The following DNAH11 variants were observed in gnomAD, a reference collection of about 807,000 sequenced individuals.
DNAH11 encodes dynein axonemal heavy chain 11.
A neutral mutation model predicts 526.0 loss-of-function variants in DNAH11; 442 were observed. The observed-to-expected ratio is 0.84, with a 90% CI of 0.78 to 0.91. The LOEUF (loss-of-function observed/expected upper bound fraction) is 0.91, where lower values mean the gene tolerates loss of function less well. Ranked by LOEUF, DNAH11 falls within the 40% of genes least tolerant of loss-of-function variation. The pLI is 0.00. For synonymous variants in DNAH11, 2,461 were observed against 1,935.9 expected (o/e 1.27, Z -7.12); for missense variants, 6,989 against 5,448.7 (o/e 1.28, Z -8.90).
chr7:21,779,992 G>A (rs755180675), intron 57 of DNAH11, among the ~76,000 whole-genome samples: 24 of 150,900 alleles, frequency 1.6e-4, no homozygotes, highest in Non-Finnish European at 3.4e-4. Flanking sequence ...TTTTCCAGTG[G>A]TGTTGCCATT....
intron 27 of DNAH11, 78 bp from the exon 28 acceptor site, chr7:21,638,861 G>T (rs1786989636): frequency 3.3e-6 from 5 of 1,507,718 alleles, no homozygotes; most frequent in Non-Finnish European, 3.6e-6. Context: ...TGGACATAGA[G>T]GACTTGAGTT....
rs869117425 is a variant in DNAH11 at position 21,574,867 on chromosome 7, C to CTTTTT, written c.1593+2917_1593+2921dup. On this transcript the variant is annotated intron_variant, in intron 8 of 81. Coordinates refer to ENST00000409508, the MANE Select transcript of DNAH11 (RefSeq NM_001277115.2). Reference sequence around the variant, plus strand: ...TACAGGCGTGAGCCACTGCACTGGGCTTTTTTTTTTTTTTTTTTTTTTTTT... The same window carrying CTTTTT: ...TACAGGCGTGAGCCACTGCACTGGGCTTTTTTTTTTTTTTTTTTTTTTTTTTTTTT... Among the ~76,000 whole-genome samples, 120 of 42,862 alleles carry CTTTTT rather than the reference C, an allele frequency of 2.8e-3. 23 individuals are homozygous for CTTTTT. The highest frequency in any genetic ancestry group is 0.02 in the East Asian group (13 of 652). The allele number at this position is 42,862 out of a possible 152,430, so 28.1% of individuals were successfully genotyped here. A position where few individuals can be genotyped will look rare whatever the true frequency, so the allele number is the denominator to read the frequency against.
intron 65 of DNAH11, among the ~76,000 whole-genome samples, chr7:21,841,836 T>C (rs1782215831): frequency 6.6e-6 from 1 of 152,188 alleles, no homozygotes; most frequent in Non-Finnish European, 1.5e-5. Context: ...ACAAAAGCCC[T>C]TCTCAAGCCT....
At chr7:21,654,396 A>G (rs1211586011) in intron 28 of DNAH11, among the ~76,000 whole-genome samples, 3 of 152,200 alleles carry the variant, frequency 2.0e-5, no homozygotes, top group African/African-American at 7.2e-5. Flanking sequence ...AGATTCATCC[A>G]AGTTGTAGCA....
At chr7:21,597,462 G>A (rs1784900712) in intron 14 of DNAH11, among the ~76,000 whole-genome samples, 1 of 152,186 alleles carries the variant, frequency 6.6e-6, no homozygotes, top group African/African-American at 2.4e-5. Flanking sequence ...GGTCATTTAT[G>A]AAGAAAAGAG....
At chr7:21,900,542 G>A (rs1303537132) in intron 81 of DNAH11, among the ~76,000 whole-genome samples, 2 of 142,088 alleles carry the variant, frequency 1.4e-5, no homozygotes, top group African/African-American at 2.5e-5. Context: ...CTAAGAGGGG[G>A]TTAGACTATG....
At chr7:21,670,593 A>C (rs955800942) in intron 30 of DNAH11, among the ~76,000 whole-genome samples, 1 of 152,162 alleles carries the variant, frequency 6.6e-6, no homozygotes, top group Non-Finnish European at 1.5e-5. Context: ...GTAGTGAGAC[A>C]TCCTTGTCCA....
chr7:21,778,843 A>G, intron 56 of DNAH11, 115 bp from the exon 57 acceptor site: 1 of 1,288,740 alleles, frequency 7.8e-7, no homozygotes, highest in South Asian at 1.6e-5. Context: ...CAGGGTAGAG[A>G]CAGATGCAAG....
At chr7:21,734,113 G>T (rs1433972872) in intron 45 of DNAH11, among the ~76,000 whole-genome samples, 1 of 152,188 alleles carries the variant, frequency 6.6e-6, no homozygotes, top group Non-Finnish European at 1.5e-5. Flanking sequence ...AGAGAGGTCA[G>T]GCTCTGTCAG....
intron 20 of DNAH11, among the ~76,000 whole-genome samples, chr7:21,610,899 T>C (rs891871667): frequency 6.6e-6 from 1 of 152,258 alleles, no homozygotes; most frequent in Admixed American, 6.5e-5. Context: ...GTTCTATTCA[T>C]ACTTCCTGGA....
At chr7:21,591,950 A>C (rs1354182999) in intron 14 of DNAH11, among the ~76,000 whole-genome samples, 1 of 152,158 alleles carries the variant, frequency 6.6e-6, no homozygotes, top group East Asian at 1.9e-4. Flanking sequence ...GTACCCTCTC[A>C]ACCATCTCCT....
At chr7:21,740,362 A>G (rs1166889254) in intron 48 of DNAH11, among the ~76,000 whole-genome samples, 1 of 152,024 alleles carries the variant, frequency 6.6e-6, no homozygotes, top group South Asian at 2.1e-4. Context: ...CTGAAACTCC[A>G]CCCACTGAGC....
chr7:21,565,061 A>G (rs1783609418), intron 6 of DNAH11, among the ~76,000 whole-genome samples: 1 of 152,218 alleles, frequency 6.6e-6, no homozygotes, highest in Admixed American at 6.5e-5. Flanking sequence ...ATTTGGAACC[A>G]CTTAGTCTTA....
intron 9 of DNAH11, among the ~76,000 whole-genome samples, chr7:21,586,230 T>A (rs1318090943): frequency 6.6e-6 from 1 of 152,196 alleles, no homozygotes; most frequent in Non-Finnish European, 1.5e-5. Context: ...CTTTCCATTG[T>A]GGTCAATATG....
At chr7:21,825,873 G>A (rs528268620) in intron 65 of DNAH11, among the ~76,000 whole-genome samples, 104 of 151,720 alleles carry the variant, frequency 6.9e-4, no homozygotes, top group African/African-American at 2.4e-3. Flanking sequence ...GCAGGAGAAC[G>A]GCATGAACCT....
At chr7:21,572,961 A>G (rs1783950793) in intron 8 of DNAH11, among the ~76,000 whole-genome samples, 1 of 152,190 alleles carries the variant, frequency 6.6e-6, no homozygotes, top group South Asian at 2.1e-4. Context: ...ATACGTACAG[A>G]ATGGGATTCT....
intron 28 of DNAH11, among the ~76,000 whole-genome samples, chr7:21,649,944 C>G (rs1050200223): frequency 2.0e-5 from 3 of 152,140 alleles, no homozygotes; most frequent in African/African-American, 7.2e-5. Context: ...GGATTACACA[C>G]GTGAGCCCCC....
Position 21,615,079 on chromosome 7 carries a change from C to A in DNAH11, c.3853-35C>A, listed in dbSNP as rs528362369. 7.4e-5 allele frequency: 115 copies of A among 1,560,136 alleles called. 1 individual carries two copies. In the South Asian group the frequency reaches 1.4e-3, roughly 19 times the overall value. On this transcript the variant is annotated intron_variant, in intron 20 of 81. Transcript: ENST00000409508. ...AACTGCATGTCTTCTCTTTCTCTGGCAGTTTGTATGCAGGTGTTTATGTTC... is the reference window on the plus strand; with the variant it reads ...AACTGCATGTCTTCTCTTTCTCTGGAAGTTTGTATGCAGGTGTTTATGTTC...
intron 56 of DNAH11, among the ~76,000 whole-genome samples, chr7:21,776,610 A>G (rs1787681231): frequency 6.6e-6 from 1 of 152,206 alleles, no homozygotes. Context: ...AGATAGTCCT[A>G]GTGACCTTTC....
Sources: gnomAD v4.1 joint callset for allele counts (sites outside exome capture counted in the v4.1 genomes callset) on GRCh38, gnomAD v4.1.1 for gene constraint, MANE v1.5 for transcripts, NCBI Gene and HGNC (gene_info 2026-07-23, HGNC 2026-07-21) for gene names.